ARB2A: variants seen among roughly 807,000 people sequenced by gnomAD.
The protein encoded by ARB2A is ARB2 cotranscriptional regulator A.
chr5:93,799,729 T>C, the ARB2A span, among the ~76,000 whole-genome samples: 1 of 152,130 alleles, frequency 6.6e-6, no homozygotes, highest in Admixed American at 6.6e-5. Context: ...CTGCCCCATA[T>C]TGATTAATCA....
chr5:93,776,297 T>A, the ARB2A span: 1 of 1,414,278 alleles, frequency 7.1e-7, no homozygotes, highest in Non-Finnish European at 9.8e-7. Context: ...CAAGATGGAA[T>A]TTTTAGGGAG....
the ARB2A span, among the ~76,000 whole-genome samples, chr5:94,028,466 C>A: frequency 2.0e-5 from 3 of 152,012 alleles, no homozygotes; most frequent in African/African-American, 7.2e-5. Context: ...TGTTGTTACC[C>A]CAGAAAAAAA....
At chr5:94,077,727 G>T in the ARB2A span, among the ~76,000 whole-genome samples, 2 of 152,174 alleles carry the variant, frequency 1.3e-5, no homozygotes, top group Non-Finnish European at 2.9e-5. Flanking sequence ...AGGTTATAGA[G>T]AATAAAGCGG....
At chr5:94,059,607 T>G in the ARB2A span, among the ~76,000 whole-genome samples, 1 of 98,102 alleles carries the variant, frequency 1.0e-5, no homozygotes, top group Admixed American at 1.7e-4. Flanking sequence ...GGTGACAGAG[T>G]GAGACTGTCT....
the ARB2A span, among the ~76,000 whole-genome samples, chr5:93,760,123 T>C: frequency 6.6e-6 from 1 of 152,156 alleles, no homozygotes; most frequent in Admixed American, 6.5e-5. Context: ...GAGAATCAAA[T>C]CAAGAACTCA....
At chr5:93,857,567 A>AGGACCCTCCGAGCCG in the ARB2A span, among the ~76,000 whole-genome samples, 2 of 152,166 alleles carry the variant, frequency 1.3e-5, no homozygotes, top group African/African-American at 2.4e-5. Flanking sequence ...GCGAGACTCC[A>AGGACCCTCCGAGCCG]TGGGCGTAGG....
At chr5:94,075,284 A>G in the ARB2A span, among the ~76,000 whole-genome samples, 4 of 152,094 alleles carry the variant, frequency 2.6e-5, no homozygotes, top group African/African-American at 7.2e-5. Flanking sequence ...AATTAAAAAT[A>G]CAACTTTCAG....
the ARB2A span, chr5:93,737,879 A>G: frequency 2.3e-6 from 1 of 439,226 alleles, no homozygotes; most frequent in Non-Finnish European, 4.5e-6. Flanking sequence ...AAAACTGTAA[A>G]ATTCATAGAA....
the ARB2A span, among the ~76,000 whole-genome samples, chr5:93,867,228 C>T: frequency 1.3e-5 from 2 of 152,078 alleles, no homozygotes; most frequent in East Asian, 1.9e-4. Context: ...AACCAATATA[C>T]TTTGGTTCAG....
the ARB2A span, among the ~76,000 whole-genome samples, chr5:94,102,038 T>G: frequency 6.6e-6 from 1 of 151,782 alleles, no homozygotes; most frequent in African/African-American, 2.4e-5. Flanking sequence ...AAATGAAACT[T>G]TCCTCCTGAA....
At chr5:93,621,158 G>A in the ARB2A span, 3 of 1,571,162 alleles carry the variant, frequency 1.9e-6, no homozygotes, top group South Asian at 2.3e-5. Flanking sequence ...TCGGTTACCA[G>A]GTGGCCACGC....
the ARB2A span, among the ~76,000 whole-genome samples, chr5:94,107,529 T>G: frequency 1.4e-5 from 2 of 145,972 alleles, no homozygotes; most frequent in African/African-American, 5.0e-5. Context: ...CATTCAATAG[T>G]TAAAAAAAAA....
the ARB2A span, among the ~76,000 whole-genome samples, chr5:94,052,280 C>T: frequency 3.9e-5 from 6 of 152,108 alleles, no homozygotes; most frequent in East Asian, 1.9e-4. Context: ...TTCCCCTCCA[C>T]GCAACAAATA....
At chr5:93,896,394 T>C in the ARB2A span, among the ~76,000 whole-genome samples, 1 of 152,110 alleles carries the variant, frequency 6.6e-6, no homozygotes, top group Non-Finnish European at 1.5e-5. Context: ...CTTTATTTCA[T>C]GTACAAAATT....
the ARB2A span, among the ~76,000 whole-genome samples, chr5:93,939,893 T>C: frequency 6.6e-6 from 1 of 152,046 alleles, no homozygotes; most frequent in African/African-American, 2.4e-5. Context: ...AGTCCTAACC[T>C]AATATGGATT....
chr5:93,978,106 A>C, the ARB2A span, among the ~76,000 whole-genome samples: 2 of 152,182 alleles, frequency 1.3e-5, no homozygotes, highest in Non-Finnish European at 2.9e-5. Flanking sequence ...TTCAAAAGTT[A>C]GAAAATAAAA....
At chr5:93,903,143 T>C in the ARB2A span, among the ~76,000 whole-genome samples, 2 of 152,118 alleles carry the variant, frequency 1.3e-5, no homozygotes. Context: ...TCCCACATGC[T>C]TAAATGTTTC....
At chr5:93,710,148 C>T in the ARB2A span, among the ~76,000 whole-genome samples, 2 of 152,122 alleles carry the variant, frequency 1.3e-5, no homozygotes, top group African/African-American at 2.4e-5. Flanking sequence ...AAGAGTTACA[C>T]AATAAGAGAT....
the ARB2A span, among the ~76,000 whole-genome samples, chr5:93,830,428 A>G: frequency 6.5e-4 from 96 of 148,748 alleles, no homozygotes; most frequent in South Asian, 8.6e-4. Context: ...TAAGTATGCC[A>G]TGATCCTGGC....
Sources: gnomAD v4.1 joint callset for allele counts (sites outside exome capture counted in the v4.1 genomes callset) on GRCh38, gnomAD v4.1.1 for gene constraint, MANE v1.5 for transcripts, NCBI Gene and HGNC (gene_info 2026-07-23, HGNC 2026-07-21) for gene names.